CNTNAP2: variants seen among roughly 807,000 people sequenced by gnomAD.
CNTNAP2 encodes contactin associated protein 2, also known as contactin-associated protein-like 2.
Under a neutral mutation model 155.2 loss-of-function variants are expected in CNTNAP2, and 98 were observed. The observed-to-expected ratio is 0.63, with a 90% confidence interval of 0.54 to 0.75. CNTNAP2 has a LOEUF of 0.75. Ranked by LOEUF, CNTNAP2 falls within the 30% of genes least tolerant of loss-of-function variation. The pLI is 0.00. For synonymous variants in CNTNAP2, 651 were observed against 631.2 expected (o/e 1.03, Z -0.47); for missense variants, 1,727 against 1,688.1 (o/e 1.02, Z -0.40).
chr7:146,815,672 A>C, intron 2 of CNTNAP2, among the ~76,000 whole-genome samples: 1 of 152,202 alleles, frequency 6.6e-6, no homozygotes, highest in East Asian at 1.9e-4. Flanking sequence ...TAGATTTATT[A>C]AATAATTTTA....
At chr7:146,966,717 T>C (rs745552423) in intron 3 of CNTNAP2, among the ~76,000 whole-genome samples, 4 of 152,186 alleles carry the variant, frequency 2.6e-5, no homozygotes, top group African/African-American at 4.8e-5. Context: ...CAGGAAAAGA[T>C]GATGCTTGAT....
At chr7:146,399,666 G>A (rs1795686148) in intron 1 of CNTNAP2, among the ~76,000 whole-genome samples, 1 of 152,070 alleles carries the variant, frequency 6.6e-6, no homozygotes, top group Non-Finnish European at 1.5e-5. Flanking sequence ...ACTGATGTCA[G>A]TTTCTTTGAC....
intron 18 of CNTNAP2, among the ~76,000 whole-genome samples, chr7:148,196,389 G>C (rs181073736): frequency 6.6e-6 from 1 of 152,066 alleles, no homozygotes; most frequent in East Asian, 1.9e-4. Context: ...AGCAGGATTC[G>C]GAGGAACTGG....
chr7:147,094,667 A>C (rs1262916304), intron 4 of CNTNAP2, among the ~76,000 whole-genome samples: 1 of 151,858 alleles, frequency 6.6e-6, no homozygotes, highest in East Asian at 1.9e-4. Context: ...CGGCCTCCGA[A>C]AGTGCTGGGA....
intron 15 of CNTNAP2, among the ~76,000 whole-genome samples, chr7:148,106,493 G>GATAGATAGATAGATAGAT (rs1490418389): frequency 8.0e-6 from 1 of 124,926 alleles, no homozygotes; most frequent in African/African-American, 3.5e-5. Context: ...CACACTTTGA[G>GATAGATAGATAGATAGAT]ATATATATAT....
chr7:146,593,996 G>T (rs1277771057), intron 1 of CNTNAP2, among the ~76,000 whole-genome samples: 2 of 152,102 alleles, frequency 1.3e-5, no homozygotes, highest in Non-Finnish European at 2.9e-5. Context: ...TATCCTCCAG[G>T]TGATGTGAAG....
At chr7:147,690,258 TATTTC>T (rs758518721) in intron 13 of CNTNAP2, among the ~76,000 whole-genome samples, 2 of 152,212 alleles carry the variant, frequency 1.3e-5, no homozygotes, top group Admixed American at 1.3e-4. Context: ...AACTGCCTAA[TATTTC>T]AAGACGTAAC....
intron 2 of CNTNAP2, among the ~76,000 whole-genome samples, chr7:146,805,926 T>A (rs1802959259): frequency 6.6e-6 from 1 of 152,170 alleles, no homozygotes; most frequent in Non-Finnish European, 1.5e-5. Context: ...CTGGCCAGAA[T>A]AATTAAAGCT....
intron 13 of CNTNAP2, among the ~76,000 whole-genome samples, chr7:147,750,247 T>A (rs1797112147): frequency 6.6e-6 from 1 of 152,210 alleles, no homozygotes; most frequent in Non-Finnish European, 1.5e-5. Context: ...AAAATTTTTA[T>A]AATTTTTATT....
intron 1 of CNTNAP2, among the ~76,000 whole-genome samples, chr7:146,301,103 G>C (rs190284727): frequency 2.4e-4 from 36 of 152,160 alleles, no homozygotes; most frequent in Admixed American, 4.6e-4. Flanking sequence ...GAGACCAGCA[G>C]ACCCAACATT....
At chr7:146,172,281 A>G (rs541761071) in intron 1 of CNTNAP2, among the ~76,000 whole-genome samples, 21 of 152,138 alleles carry the variant, frequency 1.4e-4, no homozygotes, top group South Asian at 4.1e-4. Flanking sequence ...TGTTGTCACA[A>G]TTCTGGGGAG....
At chr7:146,721,275 A>ATATACTCTC in intron 1 of CNTNAP2, among the ~76,000 whole-genome samples, 1 of 116,706 alleles carries the variant, frequency 8.6e-6, no homozygotes, top group Non-Finnish European at 1.8e-5. Flanking sequence ...TATATATTCT[A>ATATACTCTC]TATATATTCT....
intron 17 of CNTNAP2, among the ~76,000 whole-genome samples, chr7:148,171,543 C>T (rs1404997657): frequency 3.9e-5 from 6 of 152,226 alleles, no homozygotes; most frequent in Non-Finnish European, 8.8e-5. Context: ...TCATGAACCT[C>T]AGTCCAACTC....
At chr7:147,294,125 G>C (rs1432517423) in intron 8 of CNTNAP2, among the ~76,000 whole-genome samples, 13 of 152,096 alleles carry the variant, frequency 8.5e-5, no homozygotes, top group Admixed American at 7.9e-4. Context: ...GCCTCTTATG[G>C]GGCAAGCTCC....
intron 1 of CNTNAP2, among the ~76,000 whole-genome samples, chr7:146,594,810 A>G (rs1261508699): frequency 6.6e-6 from 1 of 152,138 alleles, no homozygotes; most frequent in African/African-American, 2.4e-5. Flanking sequence ...ATATTTAATG[A>G]CTGGCTCTCA....
Position 146,394,497 on chromosome 7 carries a change from TG to T in CNTNAP2, c.97+277525del, listed in dbSNP as rs978872848. ...TGGAGACTGTGAAATTTGGATAGAA[TG>T]TTTTATTTCTCATTACTGTTTACAG... On this transcript the variant is annotated intron_variant, in intron 1 of 23. Coordinates refer to ENST00000361727, the MANE Select transcript of CNTNAP2 (RefSeq NM_014141.6). Among the ~76,000 whole-genome samples, 202 of 138,444 alleles carry T rather than the reference TG, an allele frequency of 1.5e-3. 1 individual carries two copies. Among genetic ancestry groups the T allele is most frequent in the African/African-American group, 5.0e-3 (194 of 38,646 alleles). The allele number at this position is 138,444 out of a possible 152,430, so 90.8% of individuals were successfully genotyped here. A position where few individuals can be genotyped will look rare whatever the true frequency, so the allele number is the denominator to read the frequency against.
intron 1 of CNTNAP2, among the ~76,000 whole-genome samples, chr7:146,193,918 C>G (rs987080384): frequency 3.9e-5 from 6 of 152,190 alleles, no homozygotes; most frequent in Admixed American, 6.5e-5. Context: ...CAAAGTTTCA[C>G]AAATCTCTAG....
At chr7:146,305,226 T>C (rs1800687788) in intron 1 of CNTNAP2, among the ~76,000 whole-genome samples, 1 of 152,188 alleles carries the variant, frequency 6.6e-6, no homozygotes, top group Non-Finnish European at 1.5e-5. Flanking sequence ...CATCCTTCTT[T>C]AGCTCAGAGA....
In CNTNAP2 at chr7:146,451,886, T is replaced by C. The variant is rs1256033715; in HGVS notation, c.98-322385T>C. Among the ~76,000 whole-genome samples the C allele has an allele frequency of 7.2e-5, 5 of 69,640 alleles. 1 individual carries two copies. The highest frequency in any genetic ancestry group is 1.3e-4 in the Non-Finnish European group (5 of 39,584). 45.7% of individuals were successfully genotyped at this position (69,640 alleles called of 152,430 possible). On this transcript the variant is annotated intron_variant, in intron 1 of 23. Coordinates refer to ENST00000361727, the MANE Select transcript of CNTNAP2 (RefSeq NM_014141.6). The stretch of plus-strand genomic sequence containing the variant: ...ATATATATACGTATATATACACATA[T>C]ACATATATTTATTTATTTATTATTT...
Sources: gnomAD v4.1 joint callset for allele counts (sites outside exome capture counted in the v4.1 genomes callset) on GRCh38, gnomAD v4.1.1 for gene constraint, MANE v1.5 for transcripts, NCBI Gene and HGNC (gene_info 2026-07-23, HGNC 2026-07-21) for gene names.